MMP26: variants seen among roughly 807,000 people sequenced by gnomAD.
MMP26 encodes the protein matrix metalloproteinase-26.
In MMP26, 33 loss-of-function variants were observed where a neutral mutation model predicts 31.0. The ratio of observed to expected loss-of-function variants is 1.06; its 90% confidence interval spans 0.81 to 1.42. The LOEUF is 1.42. Among genes scored for constraint, MMP26 ranks in the 40% most tolerant of loss-of-function variants. The probability of loss-of-function intolerance (pLI) is 0.00; values close to 1 mark genes in which losing one functional copy is unlikely to be tolerated. For missense variants in MMP26, 347 were observed against 316.1 expected (o/e 1.10, Z -0.74); for synonymous variants, 122 against 114.9 (o/e 1.06, Z -0.40).
rs762532727 is a variant in MMP26, at chr11:4,915,321, G to A, written c.-144-72747G>A. On this transcript the variant is annotated intron_variant, in intron 2 of 7. Coordinates refer to ENST00000380390, the MANE Select transcript of MMP26 (RefSeq NM_021801.5). ...ATAGACAGTAGCACAGAGGACTCGA[G>A]GAAGGAGAAGCAGTGAATGAAAAAG... The A allele has an allele frequency of 1.3e-5, 21 of 1,613,966 alleles. No individual in the cohort carries two copies. Among genetic ancestry groups the A allele is most frequent in the Non-Finnish European group, 1.8e-5 (21 of 1,179,978 alleles).
Position 4,947,113 on chromosome 11 carries a change from G to A in MMP26, c.-144-40955G>A, listed in dbSNP as rs748809107. On this transcript the variant is annotated intron_variant, in intron 2 of 7. Transcript: ENST00000380390. ...TGATAATGGACATGATTCATTCATA[G>A]GGCTCTGCTATGAAAAATACAGATG... 8 of 1,304,978 alleles carry A rather than the reference G, an allele frequency of 6.1e-6. No individual in the cohort carries two copies. In the South Asian group the frequency reaches 1.0e-4, roughly 16 times the overall value. The allele number at this position is 1,304,978 out of a possible 1,614,324, so 80.8% of individuals were successfully genotyped here.
At chr11:4,991,226 T>C (rs1397690435) in intron 5 of MMP26, 145 bp from the exon 6 acceptor site, 1 of 1,030,992 alleles carries the variant, frequency 9.7e-7, no homozygotes, top group Non-Finnish European at 1.4e-6. Flanking sequence ...CTTATTTCTC[T>C]GCATAGATAA....
chr11:4,893,948 A>AAAT (rs1329684590), intron 2 of MMP26, among the ~76,000 whole-genome samples: 2 of 151,858 alleles, frequency 1.3e-5, no homozygotes, highest in African/African-American at 4.9e-5. Context: ...AAAATAAAAA[A>AAAT]AAAAACAAAG....
At chr11:4,854,443 G>A (rs973268214) in intron 2 of MMP26, among the ~76,000 whole-genome samples, 14 of 152,168 alleles carry the variant, frequency 9.2e-5, no homozygotes, top group Non-Finnish European at 7.3e-5. Flanking sequence ...AGGGTCCCAC[G>A]CCCACGGAAC....
intron 2 of MMP26, among the ~76,000 whole-genome samples, chr11:4,795,843 GGAGAGAGAGAGAGAGA>G (rs142600384): frequency 7.0e-6 from 1 of 142,172 alleles, no homozygotes; most frequent in Non-Finnish European, 1.5e-5. Flanking sequence ...AGAGAGAGAG[GGAGAGAGAGAGAGAGA>G]GAGAGAGAGA....
intron 2 of MMP26, among the ~76,000 whole-genome samples, chr11:4,885,061 T>C (rs1270453461): frequency 6.6e-6 from 1 of 152,098 alleles, no homozygotes; most frequent in Non-Finnish European, 1.5e-5. Flanking sequence ...TACTCAAAAA[T>C]GTAGTTTTTA....
chr11:4,925,504 G>A (rs1346683486), intron 2 of MMP26, among the ~76,000 whole-genome samples: 1 of 152,062 alleles, frequency 6.6e-6, no homozygotes, highest in Admixed American at 6.6e-5. Flanking sequence ...AATTTCTGGG[G>A]AGAGGGTCTA....
At chr11:4,940,689 C>G (rs966976172) in intron 2 of MMP26, among the ~76,000 whole-genome samples, 1 of 152,148 alleles carries the variant, frequency 6.6e-6, no homozygotes, top group Non-Finnish European at 1.5e-5. Flanking sequence ...TAAACGTTGA[C>G]TCAAGGGACA....
chr11:4,904,104 A>G (rs1850845801), intron 2 of MMP26, among the ~76,000 whole-genome samples: 1 of 152,122 alleles, frequency 6.6e-6, no homozygotes, highest in Non-Finnish European at 1.5e-5. Flanking sequence ...GTCTGGAAGG[A>G]AAATGGCTAA....
intron 2 of MMP26, among the ~76,000 whole-genome samples, chr11:4,851,229 A>G (rs1408349211): frequency 1.3e-5 from 2 of 152,170 alleles, no homozygotes; most frequent in Non-Finnish European, 2.9e-5. Context: ...AGCTCTATCA[A>G]CAGTGGTCAG....
At chr11:4,841,871 TGTG>T (rs1314379518) in intron 2 of MMP26, among the ~76,000 whole-genome samples, 1 of 152,174 alleles carries the variant, frequency 6.6e-6, no homozygotes, top group Non-Finnish European at 1.5e-5. Context: ...TGGCAGAGGT[TGTG>T]GTGAGCCAAG....
intron 2 of MMP26, chr11:4,908,020 T>C (rs747578146): frequency 6.2e-7 from 1 of 1,614,218 alleles, no homozygotes; most frequent in South Asian, 1.1e-5. Flanking sequence ...TTTTGTCTTA[T>C]GTGCTGATCT....
At chr11:4,837,301 T>G (rs12287351) in intron 2 of MMP26, among the ~76,000 whole-genome samples, 92,528 of 151,980 alleles carry the variant, frequency 0.61, 29,253 homozygotes, top group Middle Eastern at 0.76. Flanking sequence ...TCCTCCTCCT[T>G]GGCTCAAGTG....
At chr11:4,828,938 G>A (rs996898278) in intron 2 of MMP26, among the ~76,000 whole-genome samples, 3 of 152,070 alleles carry the variant, frequency 2.0e-5, no homozygotes, top group African/African-American at 7.2e-5. Flanking sequence ...TATATTCAGG[G>A]CCTAACAAAT....
At chr11:4,707,255 G>T (rs1288954557) in intron 1 of MMP26, among the ~76,000 whole-genome samples, 1 of 152,102 alleles carries the variant, frequency 6.6e-6, no homozygotes, top group African/African-American at 2.4e-5. Context: ...TGATTTTGAT[G>T]ATTTTGATTC....
intron 2 of MMP26, among the ~76,000 whole-genome samples, chr11:4,950,549 T>C (rs1642668243): frequency 8.4e-6 from 1 of 119,226 alleles, no homozygotes; most frequent in African/African-American, 2.8e-5. Flanking sequence ...GAGATGATAG[T>C]CAAAAGGTAA....
intron 2 of MMP26, chr11:4,908,532 T>C (rs941057930): frequency 9.0e-6 from 5 of 557,722 alleles, no homozygotes; most frequent in African/African-American, 1.9e-5. Context: ...TAAGGGAAGT[T>C]GAAGGAAAAT....
intron 2 of MMP26, among the ~76,000 whole-genome samples, chr11:4,974,384 G>A (rs1846708257): frequency 6.6e-6 from 1 of 151,758 alleles, no homozygotes; most frequent in African/African-American, 2.4e-5. Context: ...AAAAATATAT[G>A]TATATAGTGT....
intron 1 of MMP26, among the ~76,000 whole-genome samples, chr11:4,740,752 T>C: frequency 6.6e-6 from 1 of 152,024 alleles, no homozygotes; most frequent in Non-Finnish European, 1.5e-5. Context: ...GAACATTGAA[T>C]TTAAATATCT....
Sources: gnomAD v4.1 joint callset for allele counts (sites outside exome capture counted in the v4.1 genomes callset) on GRCh38, gnomAD v4.1.1 for gene constraint, MANE v1.5 for transcripts, NCBI Gene and HGNC (gene_info 2026-07-23, HGNC 2026-07-21) for gene names.